Variants in ROBO1 observed in about 807,000 individuals in gnomAD.
ROBO1 encodes the protein roundabout guidance receptor 1, also known as roundabout homolog 1.
ROBO1 carries 149 observed loss-of-function variants against 195.9 expected under a neutral mutation model. The ratio of observed to expected loss-of-function variants is 0.76; its 90% CI spans 0.67 to 0.87. The LOEUF is 0.87. Among genes scored for constraint, ROBO1 ranks in the 40% least tolerant of loss-of-function variants. The probability of loss-of-function intolerance (pLI) is 0.00; values close to 1 mark genes in which losing one functional copy is unlikely to be tolerated. For synonymous variants in ROBO1, 816 were observed against 733.2 expected (o/e 1.11, Z -1.82); for missense variants, 1,933 against 2,068.3 (o/e 0.93, Z 1.27).
At chr3:79,268,721 T>C (rs2030232326) in intron 2 of ROBO1, among the ~76,000 whole-genome samples, 1 of 151,634 alleles carries the variant, frequency 6.6e-6, no homozygotes, top group African/African-American at 2.4e-5. Flanking sequence ...AATACCTTGG[T>C]TCCAAACCTT....
intron 4 of ROBO1, among the ~76,000 whole-genome samples, chr3:78,884,533 C>T (rs1351085430): frequency 2.0e-5 from 3 of 146,536 alleles, no homozygotes; most frequent in African/African-American, 7.6e-5. Flanking sequence ...GGGAGGATTG[C>T]CCCTCAAAAA....
chr3:79,298,724 T>G (rs1197398522), intron 2 of ROBO1, among the ~76,000 whole-genome samples: 1 of 151,242 alleles, frequency 6.6e-6, no homozygotes, highest in Non-Finnish European at 1.5e-5. Context: ...ATTAAGATAT[T>G]ACAAGTACAA....
intron 2 of ROBO1, among the ~76,000 whole-genome samples, chr3:79,251,081 A>T (rs2082720340): frequency 6.6e-6 from 1 of 152,180 alleles, no homozygotes; most frequent in Non-Finnish European, 1.5e-5. Flanking sequence ...AAAAAAGGAA[A>T]TCAGTAAGAT....
intron 1 of ROBO1, among the ~76,000 whole-genome samples, chr3:79,665,187 T>A (rs1019140982): frequency 2.0e-5 from 3 of 151,932 alleles, no homozygotes; most frequent in Admixed American, 6.6e-5. Context: ...TTTACATATT[T>A]TTGAAATGCT....
intron 1 of ROBO1, among the ~76,000 whole-genome samples, chr3:79,751,640 A>G (rs1225875319): frequency 2.0e-5 from 3 of 152,202 alleles, no homozygotes; most frequent in African/African-American, 4.8e-5. Context: ...TTTTTCACTA[A>G]GAAGAAAGGC....
intron 4 of ROBO1, among the ~76,000 whole-genome samples, chr3:78,896,806 A>AT (rs1197425156): frequency 6.6e-6 from 1 of 152,064 alleles, no homozygotes; most frequent in Non-Finnish European, 1.5e-5. Context: ...GTATTTGTTC[A>AT]TCTTGTGTTC....
chr3:79,003,347 G>T (rs755494170), intron 3 of ROBO1, among the ~76,000 whole-genome samples: 3 of 151,912 alleles, frequency 2.0e-5, no homozygotes, highest in Non-Finnish European at 2.9e-5. Flanking sequence ...GGAAATCAGG[G>T]TCTACACCCA....
chr3:78,701,385 G>A (rs1383708003), intron 8 of ROBO1, among the ~76,000 whole-genome samples: 2 of 152,142 alleles, frequency 1.3e-5, no homozygotes, highest in Admixed American at 1.3e-4. Flanking sequence ...TTCCGTGCCT[G>A]AAAAGCGATG....
In ROBO1 at chr3:79,579,548, G is replaced by A. The variant is rs1292528198; in HGVS notation, c.88+10276C>T. ...CTTCAAAGCAATGAGAGATTGGTCC[G>A]ACTAATGTATTACATGGAAGTATCC... On this transcript the variant is annotated intron_variant, in intron 2 of 30. Coordinates refer to ENST00000464233, the MANE Select transcript of ROBO1 (RefSeq NM_002941.4). Among the ~76,000 whole-genome samples, 6 of 152,286 alleles carry A rather than the reference G, an allele frequency of 3.9e-5. No individual in the cohort carries two copies. The East Asian group carries it at 7.7e-4, about 20-fold the overall frequency.
At chr3:79,418,654 C>T (rs571073697) in intron 2 of ROBO1, among the ~76,000 whole-genome samples, 60 of 152,186 alleles carry the variant, frequency 3.9e-4, no homozygotes, top group African/African-American at 1.4e-3. Flanking sequence ...TACTAGCAGG[C>T]ACAAAATCCT....
chr3:79,250,564 G>T lies in ROBO1; in HGVS notation c.89-125025C>A, dbSNP rs189700160. On this transcript the variant is annotated intron_variant, in intron 2 of 30. Coordinates refer to ENST00000464233, the MANE Select transcript of ROBO1 (RefSeq NM_002941.4). The stretch of plus-strand genomic sequence containing the variant: ...ACGTTTGAAAATTTATAATGTGTGT[G>T]GGGGGGGTTCTGTATCTCAGTTTTA... Among the ~76,000 whole-genome samples, 59 of 133,228 alleles carry T rather than the reference G, an allele frequency of 4.4e-4. No individual in the cohort carries two copies. In the East Asian group the frequency reaches 0.01, roughly 23 times the overall value. 87.4% of individuals were successfully genotyped at this position (133,228 alleles called of 152,430 possible).
At chr3:79,045,437 C>T (rs895026293) in intron 3 of ROBO1, among the ~76,000 whole-genome samples, 22 of 151,856 alleles carry the variant, frequency 1.4e-4, no homozygotes, top group African/African-American at 5.1e-4. Context: ...CCAGTTTAAA[C>T]TTCTTGGTTT....
chr3:78,667,664 C>A (rs1559719024), intron 14 of ROBO1, among the ~76,000 whole-genome samples: 2 of 152,178 alleles, frequency 1.3e-5, no homozygotes, highest in East Asian at 3.9e-4. Context: ...AGAAACAGTT[C>A]TCTTTGTTAA....
intron 2 of ROBO1, among the ~76,000 whole-genome samples, chr3:79,296,708 C>A (rs904789319): frequency 1.3e-5 from 2 of 152,100 alleles, no homozygotes; most frequent in African/African-American, 4.8e-5. Flanking sequence ...ACAGACATGG[C>A]CTTTGGGAGT....
intron 2 of ROBO1, among the ~76,000 whole-genome samples, chr3:79,258,514 A>G (rs937206501): frequency 3.3e-5 from 5 of 152,146 alleles, no homozygotes; most frequent in Non-Finnish European, 1.5e-5. Context: ...TTGGTTTTTG[A>G]ATACCAAAGA....
intron 3 of ROBO1, among the ~76,000 whole-genome samples, chr3:78,985,285 G>A (rs986241403): frequency 2.6e-5 from 4 of 152,080 alleles, no homozygotes; most frequent in African/African-American, 9.7e-5. Flanking sequence ...GGGAGACAGA[G>A]TGAGACTCTG....
At chr3:78,688,873 A>C in intron 8 of ROBO1, 101 bp from the exon 9 acceptor site, 3 of 1,179,940 alleles carry the variant, frequency 2.5e-6, no homozygotes, top group Non-Finnish European at 3.4e-6. Context: ...ATTTTATACA[A>C]CATGTTATGT....
At chr3:78,783,211 A>G (rs1039143681) in intron 4 of ROBO1, among the ~76,000 whole-genome samples, 2 of 152,180 alleles carry the variant, frequency 1.3e-5, no homozygotes, top group South Asian at 2.1e-4. Flanking sequence ...GTACCTATTC[A>G]GTAATTTCCC....
intron 2 of ROBO1, among the ~76,000 whole-genome samples, chr3:79,522,752 G>T (rs555437077): frequency 6.6e-6 from 1 of 152,014 alleles, no homozygotes; most frequent in East Asian, 1.9e-4. Flanking sequence ...AAAGATGATC[G>T]TGGTTTTAGA....
Sources: allele counts gnomAD v4.1 joint callset (sites outside exome capture counted in the v4.1 genomes callset), GRCh38; gene constraint gnomAD v4.1.1; transcripts MANE v1.5; gene names NCBI Gene and HGNC (gene_info 2026-07-23, HGNC 2026-07-21).